SRGAP1: variants seen among roughly 807,000 people sequenced by gnomAD.
SRGAP1 encodes the protein SLIT-ROBO Rho GTPase-activating protein 1.
In SRGAP1, 43 loss-of-function variants were observed where a neutral mutation model predicts 121.9. The observed-to-expected ratio is 0.35, with a 90% CI of 0.28 to 0.46. The LOEUF is 0.46. Among genes scored for constraint, SRGAP1 ranks in the 20% least tolerant of loss-of-function variants. SRGAP1 has a pLI of 1.00. For missense variants in SRGAP1, 1,102 were observed against 1,350.9 expected (o/e 0.82, Z 2.89); for synonymous variants, 447 against 485.4 (o/e 0.92, Z 1.04).
chr12:64,125,230 T>C (rs888891943), intron 18 of SRGAP1, among the ~76,000 whole-genome samples: 4 of 152,248 alleles, frequency 2.6e-5, no homozygotes, highest in African/African-American at 9.6e-5. Context: ...TCTTTTGAGA[T>C]TGGCTTTTTT....
At chr12:64,016,366 A>G (rs553360474) in intron 3 of SRGAP1, among the ~76,000 whole-genome samples, 2 of 152,288 alleles carry the variant, frequency 1.3e-5, no homozygotes, top group African/African-American at 4.8e-5. Context: ...ATGCCCCTGT[A>G]GTCTCAGCTA....
Position 64,080,867 on chromosome 12 carries a change from G to A in SRGAP1, c.1408+497G>A, listed in dbSNP as rs1420245846. 1.5e-5 allele frequency: 3 copies of A among 197,624 alleles called. No individual in the cohort carries two copies. The Admixed American group carries it at 1.6e-4, about 10-fold the overall frequency. The allele number at this position is 197,624 out of a possible 1,614,324, so 12.2% of individuals were successfully genotyped here. ...TTCAGCAGGCATTGGCTGTAGTTGA[G>A]AAACAATCTTAAAGTATAAGTAGAT... On this transcript the variant is annotated intron_variant, in intron 10 of 21. Transcript: ENST00000355086.
chr12:64,096,725 G>T (rs2036161225), intron 14 of SRGAP1, among the ~76,000 whole-genome samples: 1 of 152,112 alleles, frequency 6.6e-6, no homozygotes, highest in Admixed American at 6.6e-5. Flanking sequence ...CTTCAGATGT[G>T]CTGTGAACAC....
At chr12:64,082,408 G>A (rs946954925) in intron 10 of SRGAP1, among the ~76,000 whole-genome samples, 21 of 151,220 alleles carry the variant, frequency 1.4e-4, no homozygotes, top group Non-Finnish European at 2.4e-4. Context: ...CTGCTGAACT[G>A]CATAAATCTG....
rs145124472 is a variant in SRGAP1, at chr12:64,068,836, G to A, written c.1125+3617G>A. Among the ~76,000 whole-genome samples the A allele has an allele frequency of 3.0e-3, 447 of 151,398 alleles. 5 individuals are homozygous for A. In the East Asian group the frequency reaches 0.045, roughly 15 times the overall value. On this transcript the variant is annotated intron_variant, in intron 8 of 21. Coordinates refer to ENST00000355086, the MANE Select transcript of SRGAP1 (RefSeq NM_020762.4). ...ATCAGCCTGGCCAGCATGGCAAAAC[G>A]CCGTCTCTACTAAAAATATAAAAAT...
At chr12:63,949,906 C>G (rs746177442) in intron 1 of SRGAP1, among the ~76,000 whole-genome samples, 68 of 152,150 alleles carry the variant, frequency 4.5e-4, no homozygotes, top group Non-Finnish European at 7.3e-4. Flanking sequence ...ATTCCCTTCC[C>G]TGATACTGAT....
At chr12:64,054,068 A>G (rs907000466) in intron 6 of SRGAP1, among the ~76,000 whole-genome samples, 6 of 152,146 alleles carry the variant, frequency 3.9e-5, no homozygotes, top group African/African-American at 9.6e-5. Context: ...AGTCCTCAAC[A>G]ATAAAATTCT....
chr12:63,849,265 G>C (rs1477969986), intron 1 of SRGAP1, among the ~76,000 whole-genome samples: 1 of 152,152 alleles, frequency 6.6e-6, no homozygotes, highest in Non-Finnish European at 1.5e-5. Context: ...TTGGCTAGCA[G>C]AAGGTTTTGA....
chr12:63,868,728 A>G (rs1450367067), intron 1 of SRGAP1, among the ~76,000 whole-genome samples: 1 of 152,186 alleles, frequency 6.6e-6, no homozygotes, highest in East Asian at 1.9e-4. Flanking sequence ...ATATTTTTAT[A>G]AGGAGACCAC....
intron 15 of SRGAP1, among the ~76,000 whole-genome samples, chr12:64,098,127 T>C (rs1196028896): frequency 6.6e-6 from 1 of 152,114 alleles, no homozygotes; most frequent in Non-Finnish European, 1.5e-5. Context: ...AACTTTTTAC[T>C]CTTAATAAAG....
chr12:64,047,662 A>G (rs191621095), intron 6 of SRGAP1, among the ~76,000 whole-genome samples: 1 of 152,130 alleles, frequency 6.6e-6, no homozygotes, highest in Non-Finnish European at 1.5e-5. Flanking sequence ...CCTTCCACTC[A>G]TGTCAGTATC....
chr12:64,086,709 T>C (rs1330912040), intron 10 of SRGAP1, among the ~76,000 whole-genome samples: 1 of 137,770 alleles, frequency 7.3e-6, no homozygotes, highest in Non-Finnish European at 1.6e-5. Flanking sequence ...GCAGCTATTC[T>C]TGTTTCTTTT....
chr12:63,981,094 C>A (rs2033233793), intron 1 of SRGAP1, among the ~76,000 whole-genome samples: 1 of 152,082 alleles, frequency 6.6e-6, no homozygotes, highest in Admixed American at 6.5e-5. Context: ...ATGGAGAATG[C>A]TGAGTGCCTT....
chr12:64,136,909 A>G (rs1236094207), intron 21 of SRGAP1, among the ~76,000 whole-genome samples: 1 of 152,202 alleles, frequency 6.6e-6, no homozygotes. Context: ...GGAGGTAGGA[A>G]GGCATATAAG....
intron 2 of SRGAP1, among the ~76,000 whole-genome samples, chr12:63,987,097 T>C (rs2033439189): frequency 6.6e-6 from 1 of 152,206 alleles, no homozygotes; most frequent in Non-Finnish European, 1.5e-5. Flanking sequence ...TTTATGACCC[T>C]TAAGTGAGAA....
chr12:64,087,024 A>G lies in SRGAP1; in HGVS notation c.1434A>G (p.Thr478=). The change falls in exon 11 of 22, where the codon ACA becomes ACG. Residue 478 remains threonine, a splice_region_variant and synonymous_variant. Coordinates refer to ENST00000355086, the MANE Select transcript of SRGAP1 (RefSeq NM_020762.4). ...GTCATAGAGCTGAATATATGACTAC[A>G]AGGTAGGAAAATATTTTATCATAAC... The part of the protein sequence containing the change: ...GEGHRAEYMT[T]RPPNVPPKPQ... The G allele has an allele frequency of 6.3e-7, 1 of 1,588,950 alleles. No homozygotes were observed. The highest frequency in any genetic ancestry group is 1.7e-5 in the Admixed American group (1 of 58,140).
chr12:63,943,456 G>GA (rs1188314490), intron 1 of SRGAP1, among the ~76,000 whole-genome samples: 2 of 152,150 alleles, frequency 1.3e-5, no homozygotes, highest in African/African-American at 4.8e-5. Context: ...AACCTTACTG[G>GA]TACTGTTAAT....
At chr12:63,952,609 G>A (rs750869280) in intron 1 of SRGAP1, among the ~76,000 whole-genome samples, 4 of 152,112 alleles carry the variant, frequency 2.6e-5, no homozygotes, top group Non-Finnish European at 4.4e-5. Flanking sequence ...GATGCATCCT[G>A]CCTTTGACAC....
chr12:63,932,185 G>T (rs1379257211), intron 1 of SRGAP1, among the ~76,000 whole-genome samples: 1 of 152,134 alleles, frequency 6.6e-6, no homozygotes, highest in African/African-American at 2.4e-5. Flanking sequence ...GGAGGGTGAG[G>T]CAGGAGAATG....
Sources: gnomAD v4.1 joint callset for allele counts (sites outside exome capture counted in the v4.1 genomes callset) on GRCh38, gnomAD v4.1.1 for gene constraint, MANE v1.5 for transcripts, NCBI Gene and HGNC (gene_info 2026-07-23, HGNC 2026-07-21) for gene names.